NCOR1: variants seen among roughly 807,000 people sequenced by gnomAD.
The protein encoded by NCOR1 is protein phosphatase 1, regulatory subunit 109.
NCOR1 carries 63 observed loss-of-function variants against 288.1 expected under a neutral mutation model. The ratio of observed to expected loss-of-function variants is 0.22; its 90% CI spans 0.18 to 0.27. NCOR1 has a LOEUF of 0.27. NCOR1 is among the 10% of genes least tolerant of loss of function. The pLI is 1.00. For synonymous variants in NCOR1, 1,007 were observed against 1,065.9 expected (o/e 0.94, Z 1.08); for missense variants, 2,397 against 3,019.2 (o/e 0.79, Z 4.83).
chr17:16,137,638 A>G, intron 13 of NCOR1: 2 of 323,174 alleles, frequency 6.2e-6, no homozygotes. Context: ...TATGTGAAAG[A>G]TGCCAGGAAC....
At chr17:16,192,311 C>T (rs1368537994) in intron 2 of NCOR1, among the ~76,000 whole-genome samples, 1 of 150,942 alleles carries the variant, frequency 6.6e-6, no homozygotes, top group African/African-American at 2.4e-5. Context: ...GCCAGGAGTT[C>T]GAGACCAGCC....
intron 26 of NCOR1, among the ~76,000 whole-genome samples, chr17:16,077,872 A>T (rs1567871963): frequency 1.3e-5 from 2 of 152,220 alleles, no homozygotes; most frequent in African/African-American, 4.8e-5. Context: ...AATAAAAATA[A>T]GATGATAAAG....
chr17:16,032,278 C>T lies in NCOR1; in HGVS notation c.*18G>A. ...AGAGATCCCTCTCCTGCACCCTGTT[C>T]CCCTCACTTTGTGCAGTTCAGTCAT... On this transcript the variant is annotated 3_prime_UTR_variant, in exon 46 of 46. Transcript: ENST00000268712. 3 of 1,590,174 alleles carry T rather than the reference C, an allele frequency of 1.9e-6. No individual in the cohort carries two copies. The highest frequency in any genetic ancestry group is 2.6e-6 in the Non-Finnish European group (3 of 1,171,716).
chr17:16,199,216 A>AC lies in NCOR1; in HGVS notation c.-70-4578_-70-4577insG, dbSNP rs1555813813. Among the ~76,000 whole-genome samples the AC allele has an allele frequency of 8.1e-3, 993 of 122,294 alleles. 11 individuals are homozygous for AC. Among genetic ancestry groups the AC allele is most frequent in the African/African-American group, 0.029 (884 of 30,684 alleles). 80.2% of individuals were successfully genotyped at this position (122,294 alleles called of 152,430 possible). A position where few individuals can be genotyped will look rare whatever the true frequency, so the allele number is the denominator to read the frequency against. Reference sequence around the variant, plus strand: ...CCCAATACAGAAGGAAAAAAAAAAAAACACACACACACACACACACACACA... The same window carrying AC: ...CCCAATACAGAAGGAAAAAAAAAAAACACACACACACACACACACACACACA... On this transcript the variant is annotated intron_variant, in intron 1 of 45. Coordinates refer to ENST00000268712, the MANE Select transcript of NCOR1 (RefSeq NM_006311.4).
chr17:16,146,636 A>T, intron 9 of NCOR1, 88 bp from the exon 10 acceptor site: 2 of 1,213,716 alleles, frequency 1.6e-6, no homozygotes, highest in Non-Finnish European at 2.2e-6. Context: ...GCTACTTCTT[A>T]AGGTTAAGTC....
intron 3 of NCOR1, among the ~76,000 whole-genome samples, chr17:16,181,483 G>C (rs2085476620): frequency 6.6e-6 from 1 of 151,670 alleles, no homozygotes; most frequent in Admixed American, 6.6e-5. Context: ...GGAGGTCAAA[G>C]GATACAAAAT....
At chr17:16,197,373 T>C (rs2090040531) in intron 1 of NCOR1, among the ~76,000 whole-genome samples, 1 of 151,842 alleles carries the variant, frequency 6.6e-6, no homozygotes, top group Admixed American at 6.6e-5. Context: ...AATATATAAA[T>C]ATTTTAAATA....
At chr17:16,091,529 C>T (rs2065177396) in intron 22 of NCOR1, 2 of 1,101,340 alleles carry the variant, frequency 1.8e-6, no homozygotes, top group African/African-American at 1.7e-5. Flanking sequence ...AGGTGATTTG[C>T]TTCAAGGACA....
At chr17:16,054,946 AAG>A (rs1390246874) in intron 40 of NCOR1, among the ~76,000 whole-genome samples, 1 of 152,124 alleles carries the variant, frequency 6.6e-6, no homozygotes, top group Admixed American at 6.5e-5. Context: ...ACAACAAAAA[AAG>A]AGTAAGTGCC....
At chr17:16,061,211 C>T (rs2060512391) in intron 37 of NCOR1, among the ~76,000 whole-genome samples, 190 bp downstream of exon 37, 1 of 152,144 alleles carries the variant, frequency 6.6e-6, no homozygotes, top group African/African-American at 2.4e-5. Context: ...GTGGAAGATA[C>T]ATTGATAGGC....
At chr17:16,181,129 A>G (rs2085322055) in intron 3 of NCOR1, among the ~76,000 whole-genome samples, 1 of 151,956 alleles carries the variant, frequency 6.6e-6, no homozygotes, top group Admixed American at 6.6e-5. Context: ...ATTGCACTCC[A>G]GCTTGGGTGA....
chr17:16,055,844 G>A (rs2059850137), intron 40 of NCOR1, among the ~76,000 whole-genome samples: 1 of 152,040 alleles, frequency 6.6e-6, no homozygotes. Context: ...TGGCTGAAAG[G>A]GAATAAATGT....
chr17:16,155,890 A>C (rs780453862), intron 6 of NCOR1, among the ~76,000 whole-genome samples: 3 of 152,214 alleles, frequency 2.0e-5, no homozygotes, highest in African/African-American at 7.2e-5. Flanking sequence ...TGGGGAGTAC[A>C]TATCAGAAAG....
chr17:16,134,523 C>G (rs2153230711), intron 14 of NCOR1, among the ~76,000 whole-genome samples: 1 of 152,318 alleles, frequency 6.6e-6, no homozygotes, highest in African/African-American at 2.4e-5. Flanking sequence ...TACTTTGAAA[C>G]ATGCAACAAG....
chr17:16,210,763 T>C (rs966577791), intron 1 of NCOR1, among the ~76,000 whole-genome samples: 1 of 151,162 alleles, frequency 6.6e-6, no homozygotes, highest in Non-Finnish European at 1.5e-5. Context: ...AGAGTCTCAC[T>C]CAGTCACCCA....
chr17:16,110,328 G>A (rs894813435), intron 18 of NCOR1, among the ~76,000 whole-genome samples: 1 of 151,498 alleles, frequency 6.6e-6, no homozygotes, highest in Non-Finnish European at 1.5e-5. Flanking sequence ...TGCACTCCAG[G>A]CTGGGTGACA....
chr17:16,113,206 C>T (rs1348528445), intron 18 of NCOR1, among the ~76,000 whole-genome samples: 5 of 151,634 alleles, frequency 3.3e-5, no homozygotes, highest in Admixed American at 6.6e-5. Context: ...TAAGCCACCG[C>T]GCCTGGCCAA....
At chr17:16,164,889 T>C (rs1386208410) in intron 5 of NCOR1, 90 bp downstream of exon 5, 10 of 928,764 alleles carry the variant, frequency 1.1e-5, no homozygotes, top group South Asian at 4.4e-5. Context: ...ATTCCTTTTA[T>C]GTAAAGTTTC....
intron 6 of NCOR1, among the ~76,000 whole-genome samples, chr17:16,156,523 A>C (rs2079834730): frequency 6.6e-6 from 1 of 151,818 alleles, no homozygotes; most frequent in Non-Finnish European, 1.5e-5. Flanking sequence ...GGGAGAAAAG[A>C]AAGGAGAGGG....
Sources: gnomAD v4.1 joint callset for allele counts (sites outside exome capture counted in the v4.1 genomes callset) on GRCh38, gnomAD v4.1.1 for gene constraint, MANE v1.5 for transcripts, NCBI Gene and HGNC (gene_info 2026-07-23, HGNC 2026-07-21) for gene names.